WDR72: variants seen among roughly 807,000 people sequenced by gnomAD.
WDR72 encodes the protein WD repeat-containing protein 72.
In WDR72, 120 loss-of-function variants were observed where a neutral mutation model predicts 124.2. The ratio of observed to expected loss-of-function variants is 0.97; its 90% CI spans 0.83 to 1.12. The LOEUF is 1.12. Ranked by LOEUF, WDR72 falls within the 50% of genes most tolerant of loss-of-function variation. WDR72 has a pLI of 0.00. For synonymous variants in WDR72, 452 were observed against 441.7 expected, an observed-to-expected ratio of 1.02 and a Z score of -0.29; for missense variants, 1,387 against 1,278.8, an observed-to-expected ratio of 1.08 and a Z score of -1.29.
At chr15:53,723,125 G>T (rs987680488) in intron 2 of WDR72, among the ~76,000 whole-genome samples, 1 of 152,138 alleles carries the variant, frequency 6.6e-6, no homozygotes, top group African/African-American at 2.4e-5. Context: ...TTTTGGTTTG[G>T]TGTCCATCAT....
chr15:53,582,160 C>A (rs988164827), intron 18 of WDR72, among the ~76,000 whole-genome samples: 3 of 151,830 alleles, frequency 2.0e-5, no homozygotes, highest in Non-Finnish European at 4.4e-5. Context: ...TTTGTAGTAC[C>A]TTTTATACTT....
At chr15:53,710,997 C>A (rs1168467453) in intron 8 of WDR72, 44 bp from the exon 9 acceptor site, 7 of 1,534,450 alleles carry the variant, frequency 4.6e-6, no homozygotes, top group South Asian at 1.1e-5. Context: ...CTTTGAGGTT[C>A]TTTATTCGTT....
In WDR72 at chr15:53,609,428, G is replaced by T; in HGVS notation, c.2952+85C>A. On this transcript the variant is annotated intron_variant, in intron 17 of 19. Coordinates refer to ENST00000360509, the MANE Select transcript of WDR72 (RefSeq NM_182758.4). Reference sequence around the variant, plus strand: ...TTTATGAGGACAAGAGTAACTGCTTGTATTTTCAGATAGAGGGGGGTATCC... The same window carrying T: ...TTTATGAGGACAAGAGTAACTGCTTTTATTTTCAGATAGAGGGGGGTATCC... The T allele has an allele frequency of 2.5e-6, 3 of 1,196,654 alleles. No individual in the cohort carries two copies. In the South Asian group the frequency reaches 3.7e-5, roughly 15 times the overall value. The allele number at this position is 1,196,654 out of a possible 1,614,324, so 74.1% of individuals were successfully genotyped here. A position where few individuals can be genotyped will look rare whatever the true frequency, so the allele number is the denominator to read the frequency against.
chr15:53,700,515 C>G (rs1194817437), intron 12 of WDR72, among the ~76,000 whole-genome samples: 1 of 152,134 alleles, frequency 6.6e-6, no homozygotes, highest in Non-Finnish European at 1.5e-5. Context: ...AATAGGCTCC[C>G]AGGACAACAA....
chr15:53,637,601 T>C (rs75757501), intron 14 of WDR72, among the ~76,000 whole-genome samples: 3 of 152,142 alleles, frequency 2.0e-5, no homozygotes, highest in African/African-American at 7.2e-5. Flanking sequence ...TCTTCCTTCA[T>C]GTGGTCACAT....
chr15:53,715,425 G>A, intron 4 of WDR72, 58 bp from the exon 5 acceptor site: 1 of 1,599,828 alleles, frequency 6.3e-7, no homozygotes, highest in South Asian at 1.1e-5. Flanking sequence ...ACATAATTTG[G>A]CTACATTGAA....
chr15:53,538,551 T>C (rs932985047), intron 18 of WDR72, among the ~76,000 whole-genome samples: 1 of 152,184 alleles, frequency 6.6e-6, no homozygotes, highest in East Asian at 1.9e-4. Flanking sequence ...GAAAGCACCA[T>C]AAAACCTCAT....
intron 1 of WDR72, among the ~76,000 whole-genome samples, chr15:53,753,369 A>G (rs1486512430): frequency 1.3e-5 from 2 of 152,206 alleles, no homozygotes; most frequent in East Asian, 3.8e-4. Flanking sequence ...TGTCCTAGCA[A>G]TCAGGAATAC....
chr15:53,596,299 C>CT (rs996683798), intron 18 of WDR72, among the ~76,000 whole-genome samples: 5 of 151,768 alleles, frequency 3.3e-5, no homozygotes, highest in African/African-American at 7.2e-5. Flanking sequence ...TAAAGTTGTA[C>CT]TTTTTTTTAC....
chr15:53,760,770 A>G (rs1044884607), upstream of WDR72, among the ~76,000 whole-genome samples: 20 of 152,174 alleles, frequency 1.3e-4, no homozygotes, highest in African/African-American at 1.7e-4. Context: ...TATTCTCCGT[A>G]GTGGTGGTAC....
rs2017348048 is a variant in WDR72 at position 53,706,132 on chromosome 15, T to C, written c.955-58A>G. 5 of 1,556,290 alleles carry C rather than the reference T, an allele frequency of 3.2e-6. No individual in the cohort carries two copies. In the Admixed American group the frequency reaches 6.8e-5, roughly 21 times the overall value. ...ATTCTAACTAGAGAGAGATGGCCAC[T>C]GTTTTTAAATGGAGAAACAAGACTT... is the stretch of plus-strand genomic sequence containing the variant. On this transcript the variant is annotated intron_variant, in intron 9 of 19. Coordinates refer to ENST00000360509, the MANE Select transcript of WDR72 (RefSeq NM_182758.4).
At chr15:53,681,401 A>G (rs2016379726) in intron 13 of WDR72, among the ~76,000 whole-genome samples, 1 of 152,190 alleles carries the variant, frequency 6.6e-6, no homozygotes, top group South Asian at 2.1e-4. Flanking sequence ...AGGAGGAGCC[A>G]AAGAGCAGCC....
intron 18 of WDR72, among the ~76,000 whole-genome samples, chr15:53,568,616 G>A (rs896293345): frequency 2.0e-5 from 3 of 151,958 alleles, no homozygotes; most frequent in African/African-American, 7.2e-5. Context: ...TGTCTTCCAT[G>A]CTAAGAATTT....
At chr15:53,522,277 A>G (rs564676585) in intron 19 of WDR72, among the ~76,000 whole-genome samples, 54 of 152,178 alleles carry the variant, frequency 3.5e-4, no homozygotes, top group African/African-American at 1.3e-3. Context: ...CAAAGGCTAC[A>G]AGATTTGGAA....
rs143387285 is a variant in WDR72, at chr15:53,712,756, T to C, written c.711+16A>G. The stretch of plus-strand genomic sequence containing the variant: ...ACTTGTACATCACTGGTATTTATTA[T>C]GTTACTTTATAATACCTTCCAACAT... On this transcript the variant is annotated intron_variant, in intron 7 of 19. Coordinates refer to ENST00000360509, the MANE Select transcript of WDR72 (RefSeq NM_182758.4). 1.2e-6 allele frequency: 2 copies of C among 1,608,640 alleles called. No homozygotes were observed. The highest frequency in any genetic ancestry group is 2.2e-5 in the East Asian group (1 of 44,796).
intron 14 of WDR72, among the ~76,000 whole-genome samples, chr15:53,652,862 AT>A (rs1030354471): frequency 2.0e-5 from 3 of 152,074 alleles, no homozygotes; most frequent in African/African-American, 7.2e-5. Flanking sequence ...AAAGTGAATC[AT>A]TTCTCCCTAA....
intron 13 of WDR72, among the ~76,000 whole-genome samples, chr15:53,694,391 C>G (rs939141481): frequency 1.3e-5 from 2 of 152,212 alleles, no homozygotes; most frequent in Non-Finnish European, 2.9e-5. Flanking sequence ...GAACAGCCTC[C>G]CCACTTGTAA....
chr15:53,622,140 C>T (rs888864523), intron 14 of WDR72, among the ~76,000 whole-genome samples: 10 of 151,528 alleles, frequency 6.6e-5, no homozygotes, highest in African/African-American at 2.2e-4. Flanking sequence ...AATAGCAGGG[C>T]GTTAGAAAAA....
intron 13 of WDR72, among the ~76,000 whole-genome samples, chr15:53,687,377 G>A (rs1595850512): frequency 6.7e-6 from 1 of 149,916 alleles, no homozygotes; most frequent in Non-Finnish European, 1.5e-5. Context: ...TGATAAAGGG[G>A]ATATCACCAC....
Sources: gnomAD v4.1 joint callset for allele counts (sites outside exome capture counted in the v4.1 genomes callset) on GRCh38, gnomAD v4.1.1 for gene constraint, MANE v1.5 for transcripts, NCBI Gene and HGNC (gene_info 2026-07-23, HGNC 2026-07-21) for gene names.